NKAIN1: variants seen among roughly 807,000 people sequenced by gnomAD.
The protein encoded by NKAIN1 is sodium/potassium transporting ATPase interacting 1, also known as sodium/potassium-transporting ATPase subunit beta-1-interacting protein 1.
A neutral mutation model predicts 31.6 loss-of-function variants in NKAIN1; 13 were observed. That is an observed-to-expected ratio of 0.41 (90% CI 0.27 to 0.65). NKAIN1 has a LOEUF of 0.65. Ranked by LOEUF, NKAIN1 falls within the 30% of genes least tolerant of loss-of-function variation. The pLI, the probability that NKAIN1 is intolerant of heterozygous loss-of-function variation, is 0.30. For synonymous variants in NKAIN1, 104 were observed against 109.0 expected, an observed-to-expected ratio of 0.95 and a Z score of 0.28; for missense variants, 193 against 262.2, an observed-to-expected ratio of 0.74 and a Z score of 1.82.
At chr1:31,229,575 C>T (rs1311480611) in intron 1 of NKAIN1, among the ~76,000 whole-genome samples, 5 of 151,894 alleles carry the variant, frequency 3.3e-5, no homozygotes, top group African/African-American at 7.3e-5. Flanking sequence ...GACGGAGTTT[C>T]GCTCTTGTTA....
Position 31,202,975 on chromosome 1 carries a change from TA to T in NKAIN1, c.55-14789del, listed in dbSNP as rs34702847. On this transcript the variant is annotated intron_variant, in intron 1 of 6. Coordinates refer to ENST00000373736, the MANE Select transcript of NKAIN1 (RefSeq NM_024522.3). ...CTGGTGACAGAGCGAGATTCCGTCT[TA>T]AAAAAAAAAAAAAAAGGCCAGGGGC... is the stretch of plus-strand genomic sequence containing the variant. Among the ~76,000 whole-genome samples, 131 of 104,710 alleles carry T rather than the reference TA, an allele frequency of 1.3e-3. 1 individual carries two copies. The highest frequency in any genetic ancestry group is 3.4e-3 in the African/African-American group (87 of 25,310). The allele number at this position is 104,710 out of a possible 152,430, so 68.7% of individuals were successfully genotyped here. A position where few individuals can be genotyped will look rare whatever the true frequency, so the allele number is the denominator to read the frequency against.
chr1:31,203,094 GAAACCCATCTCTACA>G (rs1275649635), intron 1 of NKAIN1, among the ~76,000 whole-genome samples: 2 of 151,100 alleles, frequency 1.3e-5, no homozygotes, highest in Non-Finnish European at 2.9e-5. Flanking sequence ...CCAACATGGT[GAAACCCATCTCTACA>G]AAAAATACAA....
At chr1:31,183,433 CCTCTTTTTTTTTTTTTT>C (rs1557648276) in intron 4 of NKAIN1, among the ~76,000 whole-genome samples, 1 of 115,366 alleles carries the variant, frequency 8.7e-6, no homozygotes, top group Non-Finnish European at 1.7e-5. Flanking sequence ...AGGTTCATTC[CCTCTTTTTTTTTTTTTT>C]TTTTTTTTTT....
At position 31,212,566 on chromosome 1, in the gene NKAIN1, G is replaced by A. The variant is rs1362732561; in HGVS notation, c.55-24379C>T. Reference sequence around the variant, plus strand: ...GCCGCAGGCACACACCACCAAACCCGGCTACTTTTTGGATTTTTGATAGAG... The same window carrying A: ...GCCGCAGGCACACACCACCAAACCCAGCTACTTTTTGGATTTTTGATAGAG... On this transcript the variant is annotated intron_variant, in intron 1 of 6. Coordinates refer to ENST00000373736, the MANE Select transcript of NKAIN1 (RefSeq NM_024522.3). Among the ~76,000 whole-genome samples the A allele has an allele frequency of 2.6e-5, 4 of 151,998 alleles. No individual in the cohort carries two copies. The South Asian group carries it at 6.2e-4, about 24-fold the overall frequency.
intron 1 of NKAIN1, among the ~76,000 whole-genome samples, chr1:31,201,640 C>T (rs1326468974): frequency 1.3e-5 from 2 of 151,950 alleles, no homozygotes; most frequent in Non-Finnish European, 2.9e-5. Context: ...GGATTACAGG[C>T]GTGAGCCACC....
At chr1:31,207,564 C>T (rs993315410) in intron 1 of NKAIN1, among the ~76,000 whole-genome samples, 2 of 152,158 alleles carry the variant, frequency 1.3e-5, no homozygotes, top group African/African-American at 4.8e-5. Flanking sequence ...CCCCACTCAT[C>T]CCCAAGCAGC....
In NKAIN1 at chr1:31,179,774, C is replaced by G. The variant is rs1321256618; in HGVS notation, c.*1929G>C. The G allele has an allele frequency of 6.6e-6, 1 of 152,220 alleles. No homozygotes were observed. Among genetic ancestry groups the G allele is most frequent in the Non-Finnish European group, 1.5e-5 (1 of 68,056 alleles). The allele number at this position is 152,220 out of a possible 1,614,324, so 9.4% of individuals were successfully genotyped here. On this transcript the variant is annotated 3_prime_UTR_variant, in exon 7 of 7. Coordinates refer to ENST00000373736, the MANE Select transcript of NKAIN1 (RefSeq NM_024522.3). The stretch of plus-strand genomic sequence containing the variant: ...GAAGAAAACACCATCTTTAATCAAC[C>G]CGCCTGCACAGAAACCAGGAGAGCA...
At chr1:31,204,090 C>T (rs1645405268) in intron 1 of NKAIN1, among the ~76,000 whole-genome samples, 1 of 152,108 alleles carries the variant, frequency 6.6e-6, no homozygotes, top group South Asian at 2.1e-4. Flanking sequence ...CAAACTGGGA[C>T]AAGCTGGTCA....
chr1:31,186,121 G>C (rs1352665655), intron 2 of NKAIN1, among the ~76,000 whole-genome samples: 1 of 151,572 alleles, frequency 6.6e-6, no homozygotes, highest in African/African-American at 2.4e-5. Context: ...CCAGCACTTT[G>C]GGAGGCCAAG....
At position 31,181,939 on chromosome 1, in the gene NKAIN1, C is replaced by A; in HGVS notation, c.535G>T (p.Asp179Tyr). 1 of 1,606,544 alleles carries A rather than the reference C, an allele frequency of 6.2e-7. No homozygotes were observed. The highest frequency in any genetic ancestry group is 1.1e-5 in the South Asian group (1 of 89,466). Residue 179 changes from aspartate (D) to tyrosine (Y), a missense_variant and splice_region_variant, in exon 6 of 7, where the codon GAC (aspartate) becomes TAC (tyrosine). By Grantham distance (160) the Asp-to-Tyr change is radical (BLOSUM62 -3). Transcript: ENST00000373736. ...TAGGAGTCAAAGCCGCCGATGAAGT[C>A]AACTGCGGAAGAGGGGCGGCGCATG... ...KVFLEEEDSF[D>Y]FIGGFDSYGY...
intron 1 of NKAIN1, among the ~76,000 whole-genome samples, chr1:31,198,875 T>C (rs1645352622): frequency 6.6e-6 from 1 of 151,914 alleles, no homozygotes; most frequent in African/African-American, 2.4e-5. Flanking sequence ...CCACACAAGG[T>C]GGGGAGTGAG....
Position 31,232,217 on chromosome 1 carries a change from G to A in NKAIN1, c.54+7277C>T, listed in dbSNP as rs568469936. On this transcript the variant is annotated intron_variant, in intron 1 of 6. Transcript: ENST00000373736. ...AGCAATTCTCCTGCCTCAGCCTCCC[G>A]AGTAGCTGGGATTACAGGCATGAGC... Among the ~76,000 whole-genome samples the A allele has an allele frequency of 4.6e-4, 69 of 148,670 alleles. No individual in the cohort carries two copies. In the East Asian group the frequency reaches 0.012, roughly 26 times the overall value.
At chr1:31,206,685 T>A (rs1467871391) in intron 1 of NKAIN1, among the ~76,000 whole-genome samples, 1 of 152,086 alleles carries the variant, frequency 6.6e-6, no homozygotes, top group East Asian at 1.9e-4. Context: ...AATTTGCCCA[T>A]CTCAGCCTTC....
At chr1:31,199,956 C>T (rs1203124012) in intron 1 of NKAIN1, among the ~76,000 whole-genome samples, 5 of 152,124 alleles carry the variant, frequency 3.3e-5, no homozygotes, top group Admixed American at 3.3e-4. Flanking sequence ...TCCACTGTGC[C>T]TAGGGACCTG....
In NKAIN1 at chr1:31,180,548, C is replaced by T. The variant is rs1409916569; in HGVS notation, c.*1155G>A. 6.6e-6 allele frequency: 1 copy of T among 152,282 alleles called. No homozygotes were observed. Among genetic ancestry groups the T allele is most frequent in the Non-Finnish European group, 1.5e-5 (1 of 68,128 alleles). 9.4% of individuals were successfully genotyped at this position (152,282 alleles called of 1,614,324 possible). On this transcript the variant is annotated 3_prime_UTR_variant, in exon 7 of 7. Transcript: ENST00000373736. ...GTTGTAAATGCTGGTGATCTGTAAACACTGGAGTCTGGGCAGCGCTGACCA... is the reference window on the plus strand; with the variant it reads ...GTTGTAAATGCTGGTGATCTGTAAATACTGGAGTCTGGGCAGCGCTGACCA...
At chr1:31,191,977 T>G (rs937350669) in intron 1 of NKAIN1, among the ~76,000 whole-genome samples, 1 of 152,202 alleles carries the variant, frequency 6.6e-6, no homozygotes. Flanking sequence ...GGTCTCACTA[T>G]GTTGCCCTGA....
At chr1:31,227,831 TG>T (rs1178218040) in intron 1 of NKAIN1, among the ~76,000 whole-genome samples, 2 of 151,656 alleles carry the variant, frequency 1.3e-5, no homozygotes, top group Non-Finnish European at 2.9e-5. Context: ...GGGTGAGAGG[TG>T]GCTGATGCTC....
chr1:31,184,037 T>C (rs1468127489), intron 3 of NKAIN1, 23 bp from the exon 4 acceptor site: 1 of 1,608,086 alleles, frequency 6.2e-7, no homozygotes, highest in Non-Finnish European at 8.5e-7. Flanking sequence ...GGGCCTGGGA[T>C]ACTGAGTGTG....
intron 1 of NKAIN1, among the ~76,000 whole-genome samples, chr1:31,231,788 C>T (rs1169951250): frequency 6.6e-6 from 1 of 152,160 alleles, no homozygotes; most frequent in Non-Finnish European, 1.5e-5. Flanking sequence ...CCTTGGCCTC[C>T]CAAAGTGCCG....
Sources: allele counts gnomAD v4.1 joint callset (sites outside exome capture counted in the v4.1 genomes callset), GRCh38; gene constraint gnomAD v4.1.1; transcripts MANE v1.5; gene names NCBI Gene and HGNC (gene_info 2026-07-23, HGNC 2026-07-21).